SND1: variants seen among roughly 807,000 people sequenced by gnomAD.
The protein encoded by SND1 is staphylococcal nuclease domain-containing protein 1.
SND1 carries 38 observed loss-of-function variants against 121.7 expected under a neutral mutation model. That is an observed-to-expected ratio of 0.31 (90% CI 0.24 to 0.41). SND1 has a LOEUF of 0.41. Ranked by LOEUF, SND1 falls within the 10% of genes least tolerant of loss-of-function variation. The pLI, the probability that SND1 is intolerant of heterozygous loss-of-function variation, is 1.00. For synonymous variants in SND1, 401 were observed against 447.4 expected (o/e 0.90, Z 1.31); for missense variants, 868 against 1,184.6 (o/e 0.73, Z 3.92).
At chr7:127,838,183 G>C (rs968372457) in intron 11 of SND1, among the ~76,000 whole-genome samples, 1 of 152,164 alleles carries the variant, frequency 6.6e-6, no homozygotes, top group Non-Finnish European at 1.5e-5. Context: ...GACGGAGCAG[G>C]TGACCAGGGG....
At chr7:127,988,834 C>G (rs1340848948) in intron 15 of SND1, among the ~76,000 whole-genome samples, 1 of 152,206 alleles carries the variant, frequency 6.6e-6, no homozygotes, top group East Asian at 1.9e-4. Context: ...CCAGTCCTGT[C>G]CTGCCCAAAT....
chr7:127,992,935 T>TG (rs1455797917), intron 16 of SND1, among the ~76,000 whole-genome samples: 1 of 152,250 alleles, frequency 6.6e-6, no homozygotes, highest in East Asian at 1.9e-4. Flanking sequence ...AACTCTTTGG[T>TG]GCTCTTGGTA....
At chr7:127,682,072 T>G in intron 1 of SND1, among the ~76,000 whole-genome samples, 1 of 152,140 alleles carries the variant, frequency 6.6e-6, no homozygotes, top group East Asian at 1.9e-4. Flanking sequence ...GCCCTTAGTA[T>G]GGCTGGGTTT....
chr7:127,882,153 G>C (rs1314466177), intron 12 of SND1, among the ~76,000 whole-genome samples: 2 of 151,880 alleles, frequency 1.3e-5, no homozygotes, highest in African/African-American at 2.4e-5. Flanking sequence ...TACTCAGGGG[G>C]CTGGGGTAGG....
intron 11 of SND1, among the ~76,000 whole-genome samples, chr7:127,842,199 C>T (rs1798977412): frequency 6.6e-6 from 1 of 152,128 alleles, no homozygotes; most frequent in Non-Finnish European, 1.5e-5. Context: ...TTAAGCTGAT[C>T]AGTGAGAGCT....
At chr7:128,026,587 T>C (rs1005630041) in intron 16 of SND1, among the ~76,000 whole-genome samples, 7 of 152,160 alleles carry the variant, frequency 4.6e-5, no homozygotes, top group African/African-American at 1.4e-4. Context: ...CACCAAAACA[T>C]GTTTAGATTA....
At chr7:127,879,086 G>T (rs1417673906) in intron 12 of SND1, among the ~76,000 whole-genome samples, 1 of 152,186 alleles carries the variant, frequency 6.6e-6, no homozygotes, top group Non-Finnish European at 1.5e-5. Flanking sequence ...GAAGTTCCCT[G>T]TTAGTTTCTA....
intron 16 of SND1, among the ~76,000 whole-genome samples, chr7:128,062,954 C>T (rs1293580905): frequency 1.3e-5 from 2 of 152,202 alleles, no homozygotes; most frequent in Non-Finnish European, 2.9e-5. Context: ...CGTCTCAGCC[C>T]GTGTACTTAG....
At chr7:127,975,384 C>CGTGTGT (rs10607765) in intron 15 of SND1, among the ~76,000 whole-genome samples, 8 of 148,064 alleles carry the variant, frequency 5.4e-5, no homozygotes, top group African/African-American at 1.7e-4. Context: ...TGACTCCCCT[C>CGTGTGT]GTGTGTGTGT....
At chr7:127,677,318 A>T (rs904415067) in intron 1 of SND1, among the ~76,000 whole-genome samples, 1 of 152,232 alleles carries the variant, frequency 6.6e-6, no homozygotes, top group African/African-American at 2.4e-5. Context: ...AAATGATGAA[A>T]TGGAGGCTAA....
At chr7:127,913,053 G>T (rs890373227) in intron 14 of SND1, among the ~76,000 whole-genome samples, 1 of 152,204 alleles carries the variant, frequency 6.6e-6, no homozygotes, top group African/African-American at 2.4e-5. Context: ...GACTTTGAAA[G>T]CAGGGCACAG....
At chr7:127,821,029 G>C (rs1156902950) in intron 11 of SND1, among the ~76,000 whole-genome samples, 1 of 152,172 alleles carries the variant, frequency 6.6e-6, no homozygotes, top group Non-Finnish European at 1.5e-5. Context: ...CCAGTTTATT[G>C]TTGGCCTTGG....
chr7:127,956,939 C>T (rs973183955), intron 15 of SND1, among the ~76,000 whole-genome samples: 1 of 152,152 alleles, frequency 6.6e-6, no homozygotes, highest in Non-Finnish European at 1.5e-5. Context: ...CTGTTTCAGT[C>T]CCTGTCATAT....
chr7:127,674,406 T>C lies in SND1; in HGVS notation c.79-12207T>C, dbSNP rs147118666. On this transcript the variant is annotated intron_variant, in intron 1 of 23. Coordinates refer to ENST00000354725, the MANE Select transcript of SND1 (RefSeq NM_014390.4). ...CAACAGGATTTTTTTTTCTGGACTT[T>C]CTGTATCTGTAACTCTCCTCTGAGA... 5.9e-5 allele frequency among the ~76,000 whole-genome samples: 9 copies of C among 152,344 alleles called. No individual in the cohort carries two copies. The East Asian group carries it at 1.7e-3, about 29-fold the overall frequency.
At chr7:127,698,221 C>G (rs534072691) in intron 3 of SND1, among the ~76,000 whole-genome samples, 1 of 152,156 alleles carries the variant, frequency 6.6e-6, no homozygotes, top group Non-Finnish European at 1.5e-5. Flanking sequence ...TGTAGCTTGT[C>G]TTGGTGTCCT....
chr7:127,994,549 C>CAAAAAA lies in SND1; in HGVS notation c.1779+3524_1779+3529dup, dbSNP rs563548702. 1.7e-4 allele frequency among the ~76,000 whole-genome samples: 8 copies of CAAAAAA among 46,238 alleles called. 2 individuals carry two copies. Among genetic ancestry groups the CAAAAAA allele is most frequent in the East Asian group, 1.2e-3 (1 of 832 alleles). The allele number at this position is 46,238 out of a possible 152,430, so 30.3% of individuals were successfully genotyped here. A position where few individuals can be genotyped will look rare whatever the true frequency, so the allele number is the denominator to read the frequency against. ...CTCTCAAATGACGATCACTTTTACT[C>CAAAAAA]AAAAAAAAAAAAAAAAAAAAAAAAA... is the stretch of plus-strand genomic sequence containing the variant. On this transcript the variant is annotated intron_variant, in intron 16 of 23. Coordinates refer to ENST00000354725, the MANE Select transcript of SND1 (RefSeq NM_014390.4).
chr7:127,807,952 C>G (rs1798265575), intron 11 of SND1, among the ~76,000 whole-genome samples: 1 of 152,130 alleles, frequency 6.6e-6, no homozygotes, highest in Non-Finnish European at 1.5e-5. Context: ...TTTCATGCTT[C>G]CCCTACTTCT....
At chr7:127,688,548 C>CA (rs56962684) in intron 2 of SND1, among the ~76,000 whole-genome samples, 2,714 of 70,874 alleles carry the variant, frequency 0.038, 86 homozygotes, top group African/African-American at 0.11. Context: ...GATCCCATCT[C>CA]AAAAAAAAAA....
At chr7:127,969,221 G>A (rs958736199) in intron 15 of SND1, among the ~76,000 whole-genome samples, 2 of 152,048 alleles carry the variant, frequency 1.3e-5, no homozygotes, top group Admixed American at 6.5e-5. Context: ...TAGTCATTAC[G>A]GGTGCCTTGA....
Sources: allele counts gnomAD v4.1 joint callset (sites outside exome capture counted in the v4.1 genomes callset), GRCh38; gene constraint gnomAD v4.1.1; transcripts MANE v1.5; gene names NCBI Gene and HGNC (gene_info 2026-07-23, HGNC 2026-07-21).